Variants in SLC25A24 observed in about 807,000 individuals in gnomAD.
The protein encoded by SLC25A24 is mitochondrial adenyl nucleotide antiporter SLC25A24.
SLC25A24 carries 49 observed loss-of-function variants against 60.7 expected under a neutral mutation model. The ratio of observed to expected loss-of-function variants is 0.81; its 90% CI spans 0.64 to 1.02. The LOEUF (loss-of-function observed/expected upper bound fraction) is 1.02, where lower values mean the gene tolerates loss of function less well. Ranked by LOEUF, SLC25A24 falls within the 50% of genes least tolerant of loss-of-function variation. SLC25A24 has a pLI of 0.00. For synonymous variants in SLC25A24, 202 were observed against 200.6 expected (o/e 1.01, Z -0.06); for missense variants, 564 against 586.3 (o/e 0.96, Z 0.39).
rs183332815 is a variant in SLC25A24 at position 108,151,546 on chromosome 1, C to G, written c.823-3160G>C. 3.9e-5 allele frequency among the ~76,000 whole-genome samples: 6 copies of G among 152,320 alleles called. No homozygotes were observed. In the East Asian group the frequency reaches 1.2e-3, roughly 29 times the overall value. On this transcript the variant is annotated intron_variant, in intron 6 of 9. Coordinates refer to ENST00000565488, the MANE Select transcript of SLC25A24 (RefSeq NM_013386.5). ...TTCCACTGACTCCTATGCCATCCCTCTCTCTGGATTTTCTCCCATCCCTCG... is the reference window on the plus strand; with the variant it reads ...TTCCACTGACTCCTATGCCATCCCTGTCTCTGGATTTTCTCCCATCCCTCG...
Position 108,158,677 on chromosome 1 carries a change from T to C in SLC25A24, c.511-1057A>G, listed in dbSNP as rs527851133. On this transcript the variant is annotated intron_variant, in intron 4 of 9. Coordinates refer to ENST00000565488, the MANE Select transcript of SLC25A24 (RefSeq NM_013386.5). ...AATGCATATTTAATTTAGTCAAATCTGAAGTGTAGAAGACAAGCCCATAAA... is the reference window on the plus strand; with the variant it reads ...AATGCATATTTAATTTAGTCAAATCCGAAGTGTAGAAGACAAGCCCATAAA... Among the ~76,000 whole-genome samples the C allele has an allele frequency of 4.8e-4, 70 of 144,466 alleles. 1 individual carries two copies. Among genetic ancestry groups the C allele is most frequent in the Non-Finnish European group, 8.2e-4 (55 of 67,044 alleles). 94.8% of individuals were successfully genotyped at this position (144,466 alleles called of 152,430 possible). A position where few individuals can be genotyped will look rare whatever the true frequency, so the allele number is the denominator to read the frequency against.
intron 3 of SLC25A24, among the ~76,000 whole-genome samples, chr1:108,163,630 T>G (rs1376997626): frequency 6.6e-6 from 1 of 151,964 alleles, no homozygotes; most frequent in African/African-American, 2.4e-5. Flanking sequence ...GTGATTTTTG[T>G]ACATTGATTT....
rs573385789 is a variant in SLC25A24 at position 108,135,105 on chromosome 1, T to A, written c.*1548A>T. ...GTAAAAATAGAAAGAGCTGATCATG[T>A]ACCTTAATATTGTCACTTTATATAT... On this transcript the variant is annotated 3_prime_UTR_variant, in exon 10 of 10. Coordinates refer to ENST00000565488, the MANE Select transcript of SLC25A24 (RefSeq NM_013386.5). The A allele has an allele frequency of 6.6e-6, 1 of 152,662 alleles. No homozygotes were observed. Among genetic ancestry groups the A allele is most frequent in the Non-Finnish European group, 1.5e-5 (1 of 67,998 alleles). The allele number at this position is 152,662 out of a possible 1,614,324, so 9.5% of individuals were successfully genotyped here.
rs534142919 is a variant in SLC25A24 at position 108,180,287 on chromosome 1, C to T, written c.398+1654G>A. ...GGCTGAGGCAGGAGAATTGCTTGAA[C>T]CTGGGAGGCGGAGGTTGCAGTGAGC... On this transcript the variant is annotated intron_variant, in intron 3 of 9. Coordinates refer to ENST00000565488, the MANE Select transcript of SLC25A24 (RefSeq NM_013386.5). Among the ~76,000 whole-genome samples, 9 of 151,968 alleles carry T rather than the reference C, an allele frequency of 5.9e-5. No individual in the cohort carries two copies. The South Asian group carries it at 1.7e-3, about 28-fold the overall frequency.
intron 8 of SLC25A24, among the ~76,000 whole-genome samples, chr1:108,140,160 G>T (rs934679429): frequency 6.6e-6 from 1 of 151,596 alleles, no homozygotes; most frequent in Non-Finnish European, 1.5e-5. Context: ...AATCCTACAG[G>T]ATTAAAAAAT....
Position 108,193,142 on chromosome 1 carries a change from G to A in SLC25A24, c.183+6814C>T, listed in dbSNP as rs190648077. On this transcript the variant is annotated intron_variant, in intron 1 of 9. Coordinates refer to ENST00000565488, the MANE Select transcript of SLC25A24 (RefSeq NM_013386.5). ...AAAATTGTTTGGCTGCACCTGTCTAGGAATCCTTCTTTTTAAAAATCCTTA... is the reference window on the plus strand; with the variant it reads ...AAAATTGTTTGGCTGCACCTGTCTAAGAATCCTTCTTTTTAAAAATCCTTA... Among the ~76,000 whole-genome samples, 12 of 139,940 alleles carry A rather than the reference G, an allele frequency of 8.6e-5. 1 individual carries two copies. Among genetic ancestry groups the A allele is most frequent in the African/African-American group, 3.0e-4 (12 of 40,398 alleles). 91.8% of individuals were successfully genotyped at this position (139,940 alleles called of 152,430 possible).
intron 7 of SLC25A24, among the ~76,000 whole-genome samples, chr1:108,144,484 G>C (rs1275749463): frequency 6.6e-6 from 1 of 152,064 alleles, no homozygotes; most frequent in Non-Finnish European, 1.5e-5. Flanking sequence ...AGAACGTGCA[G>C]GTTTGTTACA....
At chr1:108,169,235 T>C (rs866902070) in intron 3 of SLC25A24, among the ~76,000 whole-genome samples, 2 of 152,192 alleles carry the variant, frequency 1.3e-5, no homozygotes, top group African/African-American at 4.8e-5. Flanking sequence ...TGGTATCTGA[T>C]AGGGCAGGCC....
At chr1:108,146,030 T>C (rs1266104021) in intron 7 of SLC25A24, among the ~76,000 whole-genome samples, 3 of 152,248 alleles carry the variant, frequency 2.0e-5, no homozygotes, top group Non-Finnish European at 2.9e-5. Context: ...ATGATATTGA[T>C]TCTTCCTATC....
At position 108,200,289 on chromosome 1, in the gene SLC25A24, GGC is replaced by G; in HGVS notation, c.-153_-152del. ...TCGGGGTTGCGGCTGCGGCGCGCAG[GGC>G]GCAGGGCGCAGGAGCGGAGACCCCA... is the stretch of plus-strand genomic sequence containing the variant. On this transcript the variant is annotated 5_prime_UTR_variant, in exon 1 of 10. Coordinates refer to ENST00000565488, the MANE Select transcript of SLC25A24 (RefSeq NM_013386.5). 1 of 365,842 alleles carries G rather than the reference GGC, an allele frequency of 2.7e-6. No homozygotes were observed. Among genetic ancestry groups the G allele is most frequent in the Non-Finnish European group, 4.1e-6 (1 of 242,540 alleles). The allele number at this position is 365,842 out of a possible 1,614,324, so 22.7% of individuals were successfully genotyped here.
rs1680177964 is a variant in SLC25A24, at chr1:108,164,253, C to CT, written c.399-2961dup. Reference sequence around the variant, plus strand: ...ATCAAGGATATTGGTCTAAAATTCTCTTTTTTTGTTGTGTCTCTGCCTGGC... The same window carrying CT: ...ATCAAGGATATTGGTCTAAAATTCTCTTTTTTTTGTTGTGTCTCTGCCTGGC... On this transcript the variant is annotated intron_variant, in intron 3 of 9. Coordinates refer to ENST00000565488, the MANE Select transcript of SLC25A24 (RefSeq NM_013386.5). Among the ~76,000 whole-genome samples, 4 of 152,054 alleles carry CT rather than the reference C, an allele frequency of 2.6e-5. No individual in the cohort carries two copies. In the South Asian group the frequency reaches 8.3e-4, roughly 32 times the overall value.
rs1270929860 is a variant in SLC25A24 at position 108,178,602 on chromosome 1, CAG to C, written c.398+3337_398+3338del. Among the ~76,000 whole-genome samples, 2 of 152,106 alleles carry C rather than the reference CAG, an allele frequency of 1.3e-5. 1 individual carries two copies. The highest frequency in any genetic ancestry group is 3.9e-4 in the East Asian group (2 of 5,180). On this transcript the variant is annotated intron_variant, in intron 3 of 9. Coordinates refer to ENST00000565488, the MANE Select transcript of SLC25A24 (RefSeq NM_013386.5). ...GGCCGAGGCGGGCAGATCACGAGGC[CAG>C]GAGATCAAGACCATCCTGGCTAACA...
At chr1:108,158,624 G>C (rs1679967120) in intron 4 of SLC25A24, among the ~76,000 whole-genome samples, 1 of 150,840 alleles carries the variant, frequency 6.6e-6, no homozygotes, top group Non-Finnish European at 1.5e-5. Context: ...ATTGTTACTA[G>C]TGGCAATGTG....
intron 3 of SLC25A24, among the ~76,000 whole-genome samples, chr1:108,164,413 A>C (rs1471678432): frequency 2.0e-5 from 3 of 149,924 alleles, no homozygotes; most frequent in Non-Finnish European, 4.5e-5. Flanking sequence ...CTGTGAATCC[A>C]TCTGGTCCTG....
intron 3 of SLC25A24, among the ~76,000 whole-genome samples, chr1:108,180,662 CT>C (rs1647894723): frequency 2.7e-5 from 3 of 109,916 alleles, no homozygotes; most frequent in Non-Finnish European, 6.0e-5. Context: ...CTCTCTCTCT[CT>C]CTCTGCCATA....
In SLC25A24 at chr1:108,143,830, C is replaced by T. The variant is rs1200247454; in HGVS notation, c.931-120G>A. On this transcript the variant is annotated intron_variant, in intron 7 of 9. Transcript: ENST00000565488. ...ACATATTGTCACTCAAAAGACTGTA[C>T]AATTTGTTGATACATTCTCTTTCAT... 17 of 775,432 alleles carry T rather than the reference C, an allele frequency of 2.2e-5. No homozygotes were observed. In the South Asian group the frequency reaches 3.0e-4, roughly 14 times the overall value. 48.0% of individuals were successfully genotyped at this position (775,432 alleles called of 1,614,324 possible).
At chr1:108,148,199 A>G (rs1679658993) in intron 7 of SLC25A24, 80 bp downstream of exon 7, 1 of 879,258 alleles carries the variant, frequency 1.1e-6, no homozygotes, top group African/African-American at 1.7e-5. Flanking sequence ...TAAACTGTTA[A>G]TTTTGGGATA....
At chr1:108,155,203 A>G (rs930570550) in intron 5 of SLC25A24, 68 bp from the exon 6 acceptor site, 4 of 1,396,818 alleles carry the variant, frequency 2.9e-6, no homozygotes, top group Non-Finnish European at 2.0e-6. Context: ...TAGAACAACC[A>G]CACAATCTTT....
At chr1:108,196,379 G>T (rs1381973460) in intron 1 of SLC25A24, among the ~76,000 whole-genome samples, 1 of 152,158 alleles carries the variant, frequency 6.6e-6, no homozygotes, top group African/African-American at 2.4e-5. Flanking sequence ...TTCATATTCT[G>T]CAACATATGA....
Sources: gnomAD v4.1 joint callset for allele counts (sites outside exome capture counted in the v4.1 genomes callset) on GRCh38, gnomAD v4.1.1 for gene constraint, MANE v1.5 for transcripts, NCBI Gene and HGNC (gene_info 2026-07-23, HGNC 2026-07-21) for gene names.